KCNH8: variants seen among roughly 807,000 people sequenced by gnomAD.
The protein encoded by KCNH8 is voltage-gated delayed rectifier potassium channel KCNH8.
KCNH8 carries 70 observed loss-of-function variants against 103.6 expected under a neutral mutation model. The observed-to-expected ratio is 0.68, with a 90% confidence interval of 0.56 to 0.82. The LOEUF is 0.82. Ranked by LOEUF, KCNH8 falls within the 40% of genes least tolerant of loss-of-function variation. The probability of loss-of-function intolerance (pLI) is 0.00; values close to 1 mark genes in which losing one functional copy is unlikely to be tolerated. For missense variants in KCNH8, 1,217 were observed against 1,329.9 expected, an observed-to-expected ratio of 0.92 and a Z score of 1.32; for synonymous variants, 498 against 489.4, an observed-to-expected ratio of 1.02 and a Z score of -0.23.
chr3:19,213,882 C>G (rs1296105782), intron 1 of KCNH8, among the ~76,000 whole-genome samples: 1 of 152,170 alleles, frequency 6.6e-6, no homozygotes, highest in Non-Finnish European at 1.5e-5. Flanking sequence ...GTATCAAGGT[C>G]AAAACACAGT....
intron 1 of KCNH8, among the ~76,000 whole-genome samples, chr3:19,241,669 T>C (rs1293518196): frequency 2.0e-5 from 3 of 151,828 alleles, no homozygotes; most frequent in Non-Finnish European, 2.9e-5. Flanking sequence ...CTTGGAAAAA[T>C]GTGTGTGTGT....
Position 19,417,708 on chromosome 3 carries a change from T to C in KCNH8, c.1178-20456T>C, listed in dbSNP as rs577210932. Among the ~76,000 whole-genome samples, 22 of 152,254 alleles carry C rather than the reference T, an allele frequency of 1.4e-4. 1 individual carries two copies. The South Asian group carries it at 4.3e-3, about 30-fold the overall frequency. On this transcript the variant is annotated intron_variant, in intron 7 of 15. Coordinates refer to ENST00000328405, the MANE Select transcript of KCNH8 (RefSeq NM_144633.3). ...TGCTACTTTAATCATAGTAATTCCTTTGGAATGCATGACAAGTTAATATAC... is the reference window on the plus strand; with the variant it reads ...TGCTACTTTAATCATAGTAATTCCTCTGGAATGCATGACAAGTTAATATAC...
At chr3:19,264,969 C>T (rs532206844) in intron 2 of KCNH8, among the ~76,000 whole-genome samples, 51 of 152,142 alleles carry the variant, frequency 3.4e-4, no homozygotes, top group African/African-American at 1.2e-3. Context: ...CTAAGCTTTC[C>T]ACCTAGGAAG....
chr3:19,227,849 A>T (rs969864030), intron 1 of KCNH8, among the ~76,000 whole-genome samples: 1 of 152,210 alleles, frequency 6.6e-6, no homozygotes, highest in Admixed American at 6.5e-5. Context: ...TTGTGTTTCC[A>T]CTATACATGA....
At chr3:19,269,209 C>T (rs1008568294) in intron 2 of KCNH8, among the ~76,000 whole-genome samples, 1 of 152,026 alleles carries the variant, frequency 6.6e-6, no homozygotes, top group Non-Finnish European at 1.5e-5. Context: ...CATCTCAACC[C>T]ATTGGCAATA....
chr3:19,207,818 C>T (rs1275560045), intron 1 of KCNH8, among the ~76,000 whole-genome samples: 1 of 151,824 alleles, frequency 6.6e-6, no homozygotes, highest in East Asian at 1.9e-4. Context: ...GAACAGCTGT[C>T]TCATAGTTAA....
At chr3:19,348,898 G>GT (rs5847027) in intron 5 of KCNH8, among the ~76,000 whole-genome samples, 38,214 of 151,798 alleles carry the variant, frequency 0.25, 5,082 homozygotes, top group East Asian at 0.35. Flanking sequence ...GGTAGTAGTT[G>GT]TTTTTTTGTG....
At chr3:19,494,572 T>C (rs1295055355) in intron 11 of KCNH8, among the ~76,000 whole-genome samples, 3 of 152,318 alleles carry the variant, frequency 2.0e-5, no homozygotes, top group African/African-American at 4.8e-5. Flanking sequence ...ATCAACAGCA[T>C]GAAAATGAAC....
intron 11 of KCNH8, 106 bp downstream of exon 11, chr3:19,457,088 A>G (rs1414097931): frequency 7.3e-6 from 5 of 683,724 alleles, no homozygotes; most frequent in East Asian, 2.7e-5. Context: ...AAGTCTCTGA[A>G]TATCTAAGAC....
intron 2 of KCNH8, among the ~76,000 whole-genome samples, chr3:19,274,837 T>A (rs1163392592): frequency 3.9e-4 from 4 of 10,180 alleles, no homozygotes; most frequent in Non-Finnish European, 7.4e-4. Context: ...TTCCCTCCCC[T>A]CCCCACCCCT....
intron 1 of KCNH8, among the ~76,000 whole-genome samples, chr3:19,174,115 TAAGA>T (rs1011735714): frequency 8.6e-5 from 13 of 151,858 alleles, no homozygotes; most frequent in African/African-American, 2.9e-4. Context: ...TAAAAAGAAG[TAAGA>T]AAAAGATTCC....
chr3:19,276,732 A>G (rs898989036), intron 2 of KCNH8, among the ~76,000 whole-genome samples: 7 of 152,178 alleles, frequency 4.6e-5, no homozygotes, highest in Non-Finnish European at 7.3e-5. Context: ...TGGAAAGCAT[A>G]TGAGTTCTCT....
chr3:19,470,510 A>G (rs1156767709), intron 11 of KCNH8, among the ~76,000 whole-genome samples: 1 of 152,186 alleles, frequency 6.6e-6, no homozygotes, highest in Non-Finnish European at 1.5e-5. Flanking sequence ...TTGATTCTAG[A>G]TTCTTGTGTA....
intron 5 of KCNH8, among the ~76,000 whole-genome samples, chr3:19,358,141 G>A (rs901939279): frequency 1.3e-5 from 2 of 150,618 alleles, no homozygotes; most frequent in African/African-American, 4.9e-5. Flanking sequence ...AATACTGGCC[G>A]GCCTTCCTTC....
At chr3:19,484,153 C>T (rs1052629205) in intron 11 of KCNH8, among the ~76,000 whole-genome samples, 1 of 152,126 alleles carries the variant, frequency 6.6e-6, no homozygotes, top group Non-Finnish European at 1.5e-5. Context: ...TGAGTCCTCA[C>T]CAGTCTTTAG....
At chr3:19,199,995 A>G (rs1282867318) in intron 1 of KCNH8, among the ~76,000 whole-genome samples, 1 of 152,098 alleles carries the variant, frequency 6.6e-6, no homozygotes, top group East Asian at 1.9e-4. Flanking sequence ...ATATCTTGGT[A>G]CAAGTTTTTA....
intron 7 of KCNH8, among the ~76,000 whole-genome samples, chr3:19,396,507 A>G (rs1302890556): frequency 6.6e-6 from 1 of 152,060 alleles, no homozygotes; most frequent in Non-Finnish European, 1.5e-5. Context: ...TATAATTTTT[A>G]TCTTAGAATG....
At chr3:19,512,941 G>A (rs760198633) in intron 12 of KCNH8, 29 bp from the exon 13 acceptor site, 1 of 1,594,300 alleles carries the variant, frequency 6.3e-7, no homozygotes, top group Admixed American at 1.7e-5. Context: ...TTTGCAGTCT[G>A]TACTAATTTA....
intron 2 of KCNH8, among the ~76,000 whole-genome samples, chr3:19,276,211 G>GTGTGTGTGTA (rs1553632391): frequency 6.7e-6 from 1 of 149,242 alleles, no homozygotes; most frequent in Non-Finnish European, 1.5e-5. Flanking sequence ...GTGTGTGTGT[G>GTGTGTGTGTA]TATACATGTA....
Sources: allele counts gnomAD v4.1 joint callset (sites outside exome capture counted in the v4.1 genomes callset), GRCh38; gene constraint gnomAD v4.1.1; transcripts MANE v1.5; gene names NCBI Gene and HGNC (gene_info 2026-07-23, HGNC 2026-07-21).